The following KDM4B variants were observed in gnomAD, a reference collection of about 807,000 sequenced individuals.
KDM4B encodes lysine demethylase 4B.
A neutral mutation model predicts 125.2 loss-of-function variants in KDM4B; 32 were observed. That is an observed-to-expected ratio of 0.26 (90% CI 0.19 to 0.34). The LOEUF (loss-of-function observed/expected upper bound fraction) is 0.34. Ranked by LOEUF, KDM4B falls within the 10% of genes least tolerant of loss-of-function variation. KDM4B has a pLI of 1.00. For missense variants in KDM4B, 1,190 were observed against 1,577.7 expected (o/e 0.75, Z 4.16); for synonymous variants, 721 against 677.9 (o/e 1.06, Z -0.99).
In KDM4B at chr19:5,131,032, G is replaced by A. The variant is rs760305713; in HGVS notation, c.1316-44G>A. 7.1e-6 allele frequency: 10 copies of A among 1,401,754 alleles called. No homozygotes were observed. The South Asian group carries it at 1.3e-4, about 19-fold the overall frequency. The allele number at this position is 1,401,754 out of a possible 1,614,324, so 86.8% of individuals were successfully genotyped here. The stretch of plus-strand genomic sequence containing the variant: ...TCTGGGGAGCGTGGGACCAGCACTT[G>A]AGCCCGGGTTCTCCTCCCTGACCTC... On this transcript the variant is annotated intron_variant, in intron 11 of 22. Coordinates refer to ENST00000159111, the MANE Select transcript of KDM4B (RefSeq NM_015015.3).
chr19:5,062,645 C>T (rs2037639880), intron 6 of KDM4B, among the ~76,000 whole-genome samples: 1 of 152,050 alleles, frequency 6.6e-6, no homozygotes, highest in South Asian at 2.1e-4. Context: ...AGAGGAAACC[C>T]TCTTTTTGTT....
intron 1 of KDM4B, among the ~76,000 whole-genome samples, chr19:4,969,657 G>A (rs956530253): frequency 1.8e-4 from 28 of 152,088 alleles, no homozygotes; most frequent in Admixed American, 1.8e-3. Flanking sequence ...GCAAGAAAAA[G>A]GAAAAAGACC....
intron 5 of KDM4B, among the ~76,000 whole-genome samples, chr19:5,045,535 C>A (rs570397518): frequency 6.6e-6 from 1 of 151,744 alleles, no homozygotes; most frequent in Non-Finnish European, 1.5e-5. Flanking sequence ...ACATTACAGG[C>A]GCCCACCACC....
chr19:5,018,151 G>A (rs1209726490), intron 2 of KDM4B, among the ~76,000 whole-genome samples: 3 of 152,262 alleles, frequency 2.0e-5, no homozygotes, highest in East Asian at 1.9e-4. Context: ...GGATCCTCCC[G>A]CCTCAGCCTC....
intron 1 of KDM4B, among the ~76,000 whole-genome samples, chr19:4,991,704 A>G (rs2035036632): frequency 6.6e-6 from 1 of 152,088 alleles, no homozygotes; most frequent in Non-Finnish European, 1.5e-5. Flanking sequence ...AGGAACCACC[A>G]TTGCAATCAA....
intron 18 of KDM4B, among the ~76,000 whole-genome samples, chr19:5,138,844 C>G (rs941324014): frequency 6.6e-6 from 1 of 152,210 alleles, no homozygotes; most frequent in African/African-American, 2.4e-5. Flanking sequence ...ACCCCAGCAC[C>G]CAGCACTCTG....
At position 5,082,327 on chromosome 19, in the gene KDM4B, C is replaced by T; in HGVS notation, c.781-40C>T. On this transcript the variant is annotated intron_variant, in intron 8 of 22. Transcript: ENST00000159111. The surrounding 1 kb of genome is among the most constrained non-coding windows in gnomAD (Gnocchi z 5.4). Reference sequence around the variant, plus strand: ...CCACGTCCCATCCCCTGGTGCGCCTCTGGTGGCCCTGCCCTCACCTGTCTC... The same window carrying T: ...CCACGTCCCATCCCCTGGTGCGCCTTTGGTGGCCCTGCCCTCACCTGTCTC... 6.2e-7 allele frequency: 1 copy of T among 1,611,914 alleles called. No homozygotes were observed. Among genetic ancestry groups the T allele is most frequent in the Non-Finnish European group, 8.5e-7 (1 of 1,179,316 alleles).
At chr19:5,149,753 C>G (rs140312532) in intron 21 of KDM4B, among the ~76,000 whole-genome samples, 4 of 152,358 alleles carry the variant, frequency 2.6e-5, no homozygotes, top group Non-Finnish European at 4.4e-5. Context: ...GTGCCCCTCA[C>G]CAGTCAGGCA....
chr19:5,043,394 G>A (rs972669999), intron 5 of KDM4B, among the ~76,000 whole-genome samples: 1 of 149,726 alleles, frequency 6.7e-6, no homozygotes, highest in Non-Finnish European at 1.5e-5. Context: ...GTTTATCGGA[G>A]TGGGGGGGTC....
chr19:5,126,688 TGA>T, intron 11 of KDM4B, among the ~76,000 whole-genome samples: 1 of 152,190 alleles, frequency 6.6e-6, no homozygotes, highest in South Asian at 2.1e-4. Flanking sequence ...TGAGGGGCTG[TGA>T]GCTCAGCCCG....
Position 5,035,584 on chromosome 19 carries a change from C to T in KDM4B, c.141+2553C>T, listed in dbSNP as rs1325000526. Among the ~76,000 whole-genome samples, 4 of 152,126 alleles carry T rather than the reference C, an allele frequency of 2.6e-5. No individual in the cohort carries two copies. The highest frequency in any genetic ancestry group is 1.3e-4 in the Admixed American group (2 of 15,284). On this transcript the variant is annotated intron_variant, in intron 3 of 22. Transcript: ENST00000159111. This position sits in a 1 kb window ranked among gnomAD's most constrained non-coding sequence, Gnocchi z 5.3. ...TCCCTCCCTCTGCCTCCTTGGCTGC[C>T]GCCTCTTTGAGCCCTCATGTCGCTG...
chr19:5,031,241 G>A (rs907917462), intron 2 of KDM4B, among the ~76,000 whole-genome samples: 1 of 152,246 alleles, frequency 6.6e-6, no homozygotes, highest in Non-Finnish European at 1.5e-5. Context: ...GGCTGTGGGC[G>A]AGGGGCCCGC....
intron 6 of KDM4B, among the ~76,000 whole-genome samples, chr19:5,065,966 A>C (rs1022042188): frequency 2.0e-5 from 3 of 149,858 alleles, no homozygotes; most frequent in African/African-American, 7.4e-5. Flanking sequence ...GGGCATCCCC[A>C]CCCTCTGGTC....
At chr19:5,065,672 C>T (rs2037745968) in intron 6 of KDM4B, among the ~76,000 whole-genome samples, 1 of 152,220 alleles carries the variant, frequency 6.6e-6, no homozygotes. Context: ...TGTCCGCTGG[C>T]TGGAGGGGAG....
At position 5,151,470 on chromosome 19, in the gene KDM4B, A is replaced by G; in HGVS notation, c.3250A>G (p.Ser1084Gly). The change falls in exon 23 of 23, where the codon AGC becomes GGC. Residue 1084 changes from serine to glycine, a missense_variant. Transcript: ENST00000159111. ...RSQDYVAFVE[S>G]LLQVQGRPGA... ...CCAGGACTACGTGGCCTTCGTGGAG[A>G]GCCTCCTGCAGGTGCAGGGCCGGCC... The G allele has an allele frequency of 6.6e-7, 1 of 1,508,622 alleles. No individual in the cohort carries two copies. The highest frequency in any genetic ancestry group is 1.2e-5 in the South Asian group (1 of 81,086). 93.5% of individuals were successfully genotyped at this position (1,508,622 alleles called of 1,614,324 possible).
At chr19:4,990,593 A>G (rs1019687953) in intron 1 of KDM4B, among the ~76,000 whole-genome samples, 1 of 152,142 alleles carries the variant, frequency 6.6e-6, no homozygotes, top group African/African-American at 2.4e-5. Flanking sequence ...GTGTTTTAAT[A>G]CTGTCATTAT....
intron 17 of KDM4B, 136 bp from the exon 18 acceptor site, chr19:5,137,826 G>A: frequency 2.9e-6 from 3 of 1,037,334 alleles, no homozygotes; most frequent in East Asian, 2.6e-5. Flanking sequence ...GGGCTGAGGA[G>A]GAGCATACGC....
chr19:5,082,377 A>T lies in KDM4B; in HGVS notation c.791A>T (p.Glu264Val), dbSNP rs138157752. The change falls in exon 9 of 23, where the codon GAG becomes GTG. Residue 264 changes from glutamate to valine, a missense_variant. Around this residue, in one of 7 missense-constraint regions of KDM4B, gnomAD observed 75 missense variants for 218.2 expected, o/e 0.34. Coordinates refer to ENST00000159111, the MANE Select transcript of KDM4B (RefSeq NM_015015.3). The surrounding 1 kb of genome is among the most constrained non-coding windows in gnomAD (Gnocchi z 5.4). Reference sequence around the variant, plus strand: ...CCTTTCCCTCTGCAGATCACGCAGGAGGCCGGGGAATTCATGATCACATTT... The same window carrying T: ...CCTTTCCCTCTGCAGATCACGCAGGTGGCCGGGGAATTCATGATCACATTT... The part of the protein sequence containing the change: ...YGIPFSRITQ[E>V]AGEFMITFPY... 32 of 1,613,526 alleles carry T rather than the reference A, an allele frequency of 2.0e-5. No homozygotes were observed. The highest frequency in any genetic ancestry group is 2.5e-5 in the Non-Finnish European group (29 of 1,179,946).
intron 9 of KDM4B, among the ~76,000 whole-genome samples, chr19:5,085,706 C>T (rs953748541): frequency 2.6e-5 from 4 of 152,218 alleles, no homozygotes; most frequent in East Asian, 3.9e-4. Flanking sequence ...TCAGGCACCC[C>T]TGGTGTAGTC....
Sources: allele counts gnomAD v4.1 joint callset (sites outside exome capture counted in the v4.1 genomes callset), GRCh38; gene constraint gnomAD v4.1.1; regional missense constraint gnomAD v4.1.1; non-coding constraint Gnocchi (gnomAD v3.1); transcripts MANE v1.5; gene names NCBI Gene and HGNC (gene_info 2026-07-23, HGNC 2026-07-21).